Variants in CNBD1 observed in about 807,000 individuals in gnomAD.
The protein encoded by CNBD1 is cyclic nucleotide-binding domain-containing protein 1.
Under a neutral mutation model 54.4 loss-of-function variants are expected in CNBD1, and 71 were observed. That is an observed-to-expected ratio of 1.30 (90% confidence interval 1.08 to 1.59). CNBD1 has a LOEUF of 1.59. CNBD1 is among the 40% of genes most tolerant of loss of function. CNBD1 has a pLI of 0.00. For missense variants in CNBD1, 659 were observed against 518.0 expected, an observed-to-expected ratio of 1.27 and a Z score of -2.64; for synonymous variants, 182 against 170.7, an observed-to-expected ratio of 1.07 and a Z score of -0.51.
At chr8:87,129,396 G>A (rs903998021) in intron 4 of CNBD1, among the ~76,000 whole-genome samples, 1 of 151,982 alleles carries the variant, frequency 6.6e-6, no homozygotes, top group Non-Finnish European at 1.5e-5. Flanking sequence ...CAATCATTAT[G>A]CAGGTTATTG....
At chr8:87,365,259 G>C (rs111532460) in intron 10 of CNBD1, among the ~76,000 whole-genome samples, 1,827 of 152,098 alleles carry the variant, frequency 0.012, 39 homozygotes, top group African/African-American at 0.039. Flanking sequence ...CTAATGATTA[G>C]TGATATTGTG....
At chr8:87,355,168 A>G (rs1000809162) in intron 10 of CNBD1, among the ~76,000 whole-genome samples, 14 of 152,236 alleles carry the variant, frequency 9.2e-5, no homozygotes, top group Admixed American at 4.6e-4. Flanking sequence ...CAACATAGCT[A>G]TACACTGCCC....
chr8:87,324,239 A>C (rs1477455746), intron 8 of CNBD1, among the ~76,000 whole-genome samples: 3 of 127,396 alleles, frequency 2.4e-5, no homozygotes, highest in Non-Finnish European at 5.3e-5. Context: ...ATCAATGTTC[A>C]TCAAGGATAT....
chr8:87,046,585 T>C (rs866528253), intron 4 of CNBD1, among the ~76,000 whole-genome samples: 2 of 152,064 alleles, frequency 1.3e-5, no homozygotes, highest in African/African-American at 4.8e-5. Flanking sequence ...CCCTGTCCCT[T>C]GAAGGGAGGA....
chr8:87,081,869 A>G lies in CNBD1; in HGVS notation c.432-124124A>G, dbSNP rs112881522. On this transcript the variant is annotated intron_variant, in intron 4 of 10. Transcript: ENST00000518476. ...GGCTGATAATGTTGTTCAGGTGTCA[A>G]TTTAGTCTCTAATTTTTCTGTCTAT... 4.0e-3 allele frequency among the ~76,000 whole-genome samples: 610 copies of G among 152,244 alleles called. 4 individuals carry two copies. Among genetic ancestry groups the G allele is most frequent in the Non-Finnish European group, 5.5e-3 (374 of 68,010 alleles).
chr8:87,396,223 G>T (rs1811407135), intron 2 of CNBD1, among the ~76,000 whole-genome samples: 1 of 151,928 alleles, frequency 6.6e-6, no homozygotes, highest in Non-Finnish European at 1.5e-5. Flanking sequence ...TGTGACTTAT[G>T]AGATACTACA....
At chr8:87,390,489 A>C (rs902711381) in intron 2 of CNBD1, among the ~76,000 whole-genome samples, 1 of 152,212 alleles carries the variant, frequency 6.6e-6, no homozygotes, top group Non-Finnish European at 1.5e-5. Flanking sequence ...AACATGAAAA[A>C]ATGCTCATCA....
chr8:87,354,165 C>A (rs1181970004), intron 10 of CNBD1, among the ~76,000 whole-genome samples: 1 of 152,118 alleles, frequency 6.6e-6, no homozygotes, highest in Non-Finnish European at 1.5e-5. Context: ...CTTGCTGGAC[C>A]TCACAGCTGA....
At chr8:87,367,698 CATTT>C (rs1810668849) in intron 10 of CNBD1, among the ~76,000 whole-genome samples, 1 of 152,104 alleles carries the variant, frequency 6.6e-6, no homozygotes, top group Admixed American at 6.6e-5. Flanking sequence ...GAGAAATATG[CATTT>C]AATAGCCCTA....
At chr8:87,310,530 T>A (rs1484427848) in intron 8 of CNBD1, among the ~76,000 whole-genome samples, 1 of 152,116 alleles carries the variant, frequency 6.6e-6, no homozygotes, top group Non-Finnish European at 1.5e-5. Flanking sequence ...CTTGGAAGAA[T>A]CAGTATTGTT....
In CNBD1 at chr8:86,934,172, C is replaced by A. The variant is rs145473783; in HGVS notation, c.273-5424C>A. ...ACATATAACATCTTTTCCTGGCAAG[C>A]AAAGTAGGTCCCCCATTTTTATATT... On this transcript the variant is annotated intron_variant, in intron 3 of 10. Coordinates refer to ENST00000518476, the MANE Select transcript of CNBD1 (RefSeq NM_173538.3). 4.6e-5 allele frequency among the ~76,000 whole-genome samples: 7 copies of A among 152,178 alleles called. No homozygotes were observed. The East Asian group carries it at 1.4e-3, about 29-fold the overall frequency.
chr8:87,166,074 T>C lies in CNBD1; in HGVS notation c.432-39919T>C, dbSNP rs569377614. 1.3e-4 allele frequency among the ~76,000 whole-genome samples: 20 copies of C among 152,050 alleles called. 1 individual carries two copies. The South Asian group carries it at 4.1e-3, about 31-fold the overall frequency. ...GGCCTTATAAGGGCATCTTCTACCA[T>C]ATCTGAAATAAAACTAACTCTTGGT... On this transcript the variant is annotated intron_variant, in intron 4 of 10. Transcript: ENST00000518476. This position sits in a 1 kb window ranked among gnomAD's most constrained non-coding sequence, Gnocchi z 4.3.
chr8:86,962,493 G>C (rs1418895220), intron 4 of CNBD1, among the ~76,000 whole-genome samples: 2 of 152,090 alleles, frequency 1.3e-5, no homozygotes, highest in Admixed American at 6.6e-5. Flanking sequence ...CACAGAGAAA[G>C]AGAAGTCAGA....
chr8:86,968,673 A>G (rs527431173), intron 4 of CNBD1, among the ~76,000 whole-genome samples: 11 of 152,342 alleles, frequency 7.2e-5, no homozygotes, highest in African/African-American at 2.4e-4. Flanking sequence ...AAAGGACAGA[A>G]TGGTTGCATC....
chr8:87,325,203 G>T lies in CNBD1; in HGVS notation c.1043-26482G>T, dbSNP rs1258803247. ...TAATTTCTGTTCTTTTACATTTGCTGAGGAGAGCTTTACTTCCAAGTATGT... is the reference window on the plus strand; with the variant it reads ...TAATTTCTGTTCTTTTACATTTGCTTAGGAGAGCTTTACTTCCAAGTATGT... On this transcript the variant is annotated intron_variant, in intron 8 of 10. Coordinates refer to ENST00000518476, the MANE Select transcript of CNBD1 (RefSeq NM_173538.3). Among the ~76,000 whole-genome samples, 3 of 94,866 alleles carry T rather than the reference G, an allele frequency of 3.2e-5. 1 individual carries two copies. The highest frequency in any genetic ancestry group is 2.6e-4 in the South Asian group (1 of 3,802). 62.2% of individuals were successfully genotyped at this position (94,866 alleles called of 152,430 possible).
At chr8:87,074,415 A>G (rs1810824860) in intron 4 of CNBD1, among the ~76,000 whole-genome samples, 1 of 152,002 alleles carries the variant, frequency 6.6e-6, no homozygotes, top group Non-Finnish European at 1.5e-5. Flanking sequence ...ATTCTTCCCC[A>G]TTCCTAGGGA....
intron 4 of CNBD1, among the ~76,000 whole-genome samples, chr8:86,986,460 A>G (rs577423123): frequency 1.3e-5 from 2 of 152,168 alleles, no homozygotes; most frequent in South Asian, 4.2e-4. Flanking sequence ...CCCATTCTGT[A>G]GGTTCTGTTT....
intron 2 of CNBD1, among the ~76,000 whole-genome samples, chr8:87,411,177 G>A (rs1311843631): frequency 6.6e-6 from 1 of 151,380 alleles, no homozygotes; most frequent in African/African-American, 2.4e-5. Flanking sequence ...TTACTTACCT[G>A]TCTCTAAGAA....
chr8:86,898,589 A>G (rs1326856518), intron 2 of CNBD1, among the ~76,000 whole-genome samples: 1 of 152,212 alleles, frequency 6.6e-6, no homozygotes, highest in African/African-American at 2.4e-5. Flanking sequence ...TTTTCAATAA[A>G]TGATACTGAA....
Sources: gnomAD v4.1 joint callset for allele counts (sites outside exome capture counted in the v4.1 genomes callset) on GRCh38, gnomAD v4.1.1 for gene constraint, Gnocchi (gnomAD v3.1) non-coding constraint, MANE v1.5 for transcripts, NCBI Gene and HGNC (gene_info 2026-07-23, HGNC 2026-07-21) for gene names.